The following FPGS variants were observed in gnomAD, a reference collection of about 807,000 sequenced individuals.
FPGS encodes the protein folylpolyglutamate synthase, also known as folylpolyglutamate synthase, mitochondrial.
FPGS carries 53 observed loss-of-function variants against 66.5 expected under a neutral mutation model. The ratio of observed to expected loss-of-function variants is 0.80; its 90% confidence interval spans 0.64 to 1.00. The LOEUF (loss-of-function observed/expected upper bound fraction) is 1.00. Ranked by LOEUF, FPGS falls within the 50% of genes least tolerant of loss-of-function variation. The probability of loss-of-function intolerance (pLI) is 0.00; values close to 1 mark genes in which losing one functional copy is unlikely to be tolerated. For missense variants in FPGS, 702 were observed against 807.7 expected (o/e 0.87, Z 1.59); for synonymous variants, 348 against 350.9 (o/e 0.99, Z 0.09).
At chr9:127,806,855 C>T (rs1829831203) in intron 4 of FPGS, 118 bp from the exon 5 acceptor site, 1 of 746,390 alleles carries the variant, frequency 1.3e-6, no homozygotes, top group South Asian at 1.6e-5. Context: ...GCACCAGGAA[C>T]AAACCGAGGG....
chr9:127,812,562 C>T (rs541177384), intron 14 of FPGS, among the ~76,000 whole-genome samples: 8 of 152,098 alleles, frequency 5.3e-5, no homozygotes, highest in Non-Finnish European at 1.0e-4. Context: ...AGTGCAATGG[C>T]TTGATCTCAG....
rs1180220551 is a variant in FPGS at position 127,803,340 on chromosome 9, C to T, written c.138+278C>T. The T allele has an allele frequency of 9.4e-6, 11 of 1,176,452 alleles. No individual in the cohort carries two copies. In the East Asian group the frequency reaches 3.5e-4, roughly 38 times the overall value. 72.9% of individuals were successfully genotyped at this position (1,176,452 alleles called of 1,614,324 possible). A position where few individuals can be genotyped will look rare whatever the true frequency, so the allele number is the denominator to read the frequency against. On this transcript the variant is annotated intron_variant, in intron 1 of 14. Coordinates refer to ENST00000373247, the MANE Select transcript of FPGS (RefSeq NM_004957.6). ...GCTAGGATCCAGAAGCCCAGAGGCT[C>T]AGCGGTGCTTCTGGAGTTCCAGTGA...
chr9:127,813,358 A>C lies in FPGS; in HGVS notation c.1518A>C (p.Pro506=), dbSNP rs1830169825. Residue 506 remains proline, a synonymous_variant, in exon 15 of 15, where the codon CCA becomes CCC. Transcript: ENST00000373247. The part of the protein sequence containing the change: ...GSASLLLAPH[P]PHTCSASSLV... ...CATCCCTGCTTCTGGCGCCCCACCC[A>C]CCCCACACCTGCAGTGCCAGCTCCC... The C allele has an allele frequency of 1.9e-6, 3 of 1,609,952 alleles. No homozygotes were observed. The highest frequency in any genetic ancestry group is 2.5e-6 in the Non-Finnish European group (3 of 1,177,806).
Position 127,810,515 on chromosome 9 carries a change from T to C in FPGS, c.1287+409T>C, listed in dbSNP as rs995287456. 4.6e-5 allele frequency among the ~76,000 whole-genome samples: 7 copies of C among 152,082 alleles called. No individual in the cohort carries two copies. In the East Asian group the frequency reaches 5.8e-4, roughly 13 times the overall value. ...GGTTGAAGGAGTCATTGGGCCTTTCTCTGCTTGGGGAAACTGAGGCTGCCC... is the reference window on the plus strand; with the variant it reads ...GGTTGAAGGAGTCATTGGGCCTTTCCCTGCTTGGGGAAACTGAGGCTGCCC... On this transcript the variant is annotated intron_variant, in intron 13 of 14. Coordinates refer to ENST00000373247, the MANE Select transcript of FPGS (RefSeq NM_004957.6).
rs1830003273 is a variant in FPGS, at chr9:127,810,032, G to A, written c.1213G>A (p.Gly405Ser). The A allele has an allele frequency of 1.2e-6, 2 of 1,611,360 alleles. No homozygotes were observed. Among genetic ancestry groups the A allele is most frequent in the African/African-American group, 1.3e-5 (1 of 74,884 alleles). The change falls in exon 13 of 15, where the codon GGC becomes AGC. Residue 405 changes from glycine (G) to serine (S), a missense_variant and splice_region_variant. By Grantham distance (56) the Gly-to-Ser change is moderately conservative. This residue lies in a region of FPGS where 351 missense variants were observed against 363.7 expected (regional missense o/e 0.97). Coordinates refer to ENST00000373247, the MANE Select transcript of FPGS (RefSeq NM_004957.6). ...ALQGRERPSG[G>S]PEVRVLLFNA... ...CCCAGCTCCTCACCTCTGTCGCAGT[G>A]GCCCCGAGGTTCGAGTCTTGCTCTT... is the stretch of plus-strand genomic sequence containing the variant.
At chr9:127,808,128 T>G in intron 8 of FPGS, 106 bp from the exon 9 acceptor site, 1 of 802,560 alleles carries the variant, frequency 1.2e-6, no homozygotes. Context: ...AAAAGAAACA[T>G]GAGGGATGAG....
chr9:127,808,854 C>T lies in FPGS; in HGVS notation c.1025C>T (p.Ala342Val), dbSNP rs1290630368. 3 of 1,562,204 alleles carry T rather than the reference C, an allele frequency of 1.9e-6. No homozygotes were observed. The highest frequency in any genetic ancestry group is 1.4e-5 in the African/African-American group (1 of 73,432). The change falls in exon 11 of 15, where the codon GCA becomes GTA. Residue 342 changes from alanine (A) to valine (V), a missense_variant. Transcript: ENST00000373247. ...GGGCTCCTGTGGCAGCTGCCCCTGGCACCTGTGTTCCAGCCCACATCCCAC... is the reference window on the plus strand; with the variant it reads ...GGGCTCCTGTGGCAGCTGCCCCTGGTACCTGTGTTCCAGCCCACATCCCAC... ...RPGLLWQLPL[A>V]PVFQPTSHMR...
In FPGS at chr9:127,813,581, C is replaced by T. The variant is rs752051844; in HGVS notation, c.1741C>T (p.Leu581=). ...LHLVGGVLKL[L]EPALSQ ...CCTGGTGGGTGGTGTCCTGAAGCTG[C>T]TGGAGCCCGCACTGTCCCAGTAGCC... is the stretch of plus-strand genomic sequence containing the variant. The change falls in exon 15 of 15, where the codon CTG becomes TTG. Residue 581 remains leucine, a synonymous_variant. Coordinates refer to ENST00000373247, the MANE Select transcript of FPGS (RefSeq NM_004957.6). 3.8e-6 allele frequency: 6 copies of T among 1,566,890 alleles called. 1 individual carries two copies. The Admixed American group carries it at 9.1e-5, about 24-fold the overall frequency.
chr9:127,810,184 A>G (rs962683081), intron 13 of FPGS, 78 bp downstream of exon 13: 100 of 1,194,024 alleles, frequency 8.4e-5, no homozygotes, highest in Non-Finnish European at 1.1e-4. Flanking sequence ...GGGGGTGCCA[A>G]TCCCCTCCCC....
chr9:127,812,701 G>T (rs7868117), intron 14 of FPGS, among the ~76,000 whole-genome samples: 68,955 of 151,254 alleles, frequency 0.46, 16,024 homozygotes, highest in East Asian at 0.69. Flanking sequence ...GTGTGTGTGT[G>T]TTTTTTTCAG....
chr9:127,803,102 C>A, intron 1 of FPGS, 40 bp downstream of exon 1: 14 of 1,348,282 alleles, frequency 1.0e-5, no homozygotes, highest in Non-Finnish European at 1.2e-5. Context: ...CTGGGCGCGA[C>A]GACACGTGGG....
At position 127,808,784 on chromosome 9, in the gene FPGS, C is replaced by G; in HGVS notation, c.971-16C>G. ...TAGGAGGGTCCCGGACACACTTGGT[C>G]TCACACACCCCGCAGGTGCTGGGGA... On this transcript the variant is annotated splice_polypyrimidine_tract_variant and intron_variant, in intron 10 of 14. Coordinates refer to ENST00000373247, the MANE Select transcript of FPGS (RefSeq NM_004957.6). 1.3e-6 allele frequency: 2 copies of G among 1,555,856 alleles called. No homozygotes were observed. The highest frequency in any genetic ancestry group is 2.4e-5 in the East Asian group (1 of 41,356).
At chr9:127,803,988 G>A (rs10120483) in intron 1 of FPGS, among the ~76,000 whole-genome samples, 8,462 of 152,334 alleles carry the variant, frequency 0.056, 761 homozygotes, top group African/African-American at 0.19. Context: ...AAAGGCCCAG[G>A]AGTGAAGTCG....
chr9:127,807,964 G>C lies in FPGS; in HGVS notation c.745-270G>C, dbSNP rs896707665. On this transcript the variant is annotated intron_variant, in intron 8 of 14. Coordinates refer to ENST00000373247, the MANE Select transcript of FPGS (RefSeq NM_004957.6). The surrounding 1 kb of genome is among the most constrained non-coding windows in gnomAD (Gnocchi z 5.8). ...CTACTAAAAATACAAAAATTAGCCAGGTGTGGTGGTGTACGCCTGTAGTTC... is the reference window on the plus strand; with the variant it reads ...CTACTAAAAATACAAAAATTAGCCACGTGTGGTGGTGTACGCCTGTAGTTC... 3 of 566,816 alleles carry C rather than the reference G, an allele frequency of 5.3e-6. No individual in the cohort carries two copies. Among genetic ancestry groups the C allele is most frequent in the Non-Finnish European group, 9.3e-6 (3 of 321,008 alleles). 35.1% of individuals were successfully genotyped at this position (566,816 alleles called of 1,614,324 possible).
Position 127,813,240 on chromosome 9 carries a change from G to C in FPGS, c.1400G>C (p.Cys467Ser), listed in dbSNP as rs1456586115. Reference sequence around the variant, plus strand: ...ACACTGGACCAGGTCCTGCTCCGCTGCCTGGAACACCAGCAGCACTGGAAC... The same window carrying C: ...ACACTGGACCAGGTCCTGCTCCGCTCCCTGGAACACCAGCAGCACTGGAAC... The part of the protein sequence containing the change: ...TVTLDQVLLR[C>S]LEHQQHWNHL... The change falls in exon 15 of 15, where the codon TGC becomes TCC. Residue 467 changes from cysteine to serine, a missense_variant. Around this residue, in one of 3 missense-constraint regions of FPGS, gnomAD observed 351 missense variants for 363.7 expected, o/e 0.97. Transcript: ENST00000373247. The C allele has an allele frequency of 1.2e-6, 2 of 1,609,742 alleles. No individual in the cohort carries two copies. The highest frequency in any genetic ancestry group is 1.7e-6 in the Non-Finnish European group (2 of 1,177,958).
chr9:127,806,233 C>T (rs930101413), intron 4 of FPGS, among the ~76,000 whole-genome samples: 4 of 150,772 alleles, frequency 2.7e-5, no homozygotes, highest in East Asian at 2.0e-4. Flanking sequence ...TGGCTGGGCA[C>T]GGTGGCTCAT....
Position 127,810,043 on chromosome 9 carries a change from TC to T in FPGS, c.1225del (p.Arg409GlufsTer17). On this transcript the variant is annotated frameshift_variant, in exon 13 of 15. Coordinates refer to ENST00000373247, the MANE Select transcript of FPGS (RefSeq NM_004957.6). LOFTEE classifies it high-confidence loss of function. The part of the protein sequence containing the change: ...RERPSGGPEV[R>X]VLLFNATGDR... ...ACCTCTGTCGCAGTGGCCCCGAGGT[TC>T]GAGTCTTGCTCTTCAATGCTACCGG... is the stretch of plus-strand genomic sequence containing the variant. The T allele has an allele frequency of 3.7e-6, 6 of 1,612,238 alleles. No individual in the cohort carries two copies. The highest frequency in any genetic ancestry group is 5.1e-6 in the Non-Finnish European group (6 of 1,179,494).
In FPGS at chr9:127,804,421, A is replaced by G; in HGVS notation, c.267+8A>G. On this transcript the variant is annotated splice_region_variant and intron_variant, in intron 2 of 14. Transcript: ENST00000373247. Reference sequence around the variant, plus strand: ...GCACGGAGTGGGCTGCAGGTAAGGTAGAGAGGGCCTGTGACCACCTCCCAC... The same window carrying G: ...GCACGGAGTGGGCTGCAGGTAAGGTGGAGAGGGCCTGTGACCACCTCCCAC... The G allele has an allele frequency of 6.2e-7, 1 of 1,614,166 alleles. No homozygotes were observed. The highest frequency in any genetic ancestry group is 2.2e-5 in the East Asian group (1 of 44,886).
At position 127,807,788 on chromosome 9, in the gene FPGS, C is replaced by T. The variant is rs1212119021; in HGVS notation, c.744+100C>T. On this transcript the variant is annotated intron_variant, in intron 8 of 14. Coordinates refer to ENST00000373247, the MANE Select transcript of FPGS (RefSeq NM_004957.6). The surrounding 1 kb of genome is among the most constrained non-coding windows in gnomAD (Gnocchi z 5.8). Reference sequence around the variant, plus strand: ...GTGACTGGAACAAGTTGAGTCTCCTCTCCAGACTATTTCCCCATTGAAACG... The same window carrying T: ...GTGACTGGAACAAGTTGAGTCTCCTTTCCAGACTATTTCCCCATTGAAACG... 9.5e-6 allele frequency: 7 copies of T among 734,640 alleles called. No individual in the cohort carries two copies. The highest frequency in any genetic ancestry group is 1.6e-5 in the Non-Finnish European group (7 of 448,776). 45.5% of individuals were successfully genotyped at this position (734,640 alleles called of 1,614,324 possible). A position where few individuals can be genotyped will look rare whatever the true frequency, so the allele number is the denominator to read the frequency against.
Sources: gnomAD v4.1 joint callset for allele counts (sites outside exome capture counted in the v4.1 genomes callset) on GRCh38, gnomAD v4.1.1 for gene constraint, gnomAD v4.1.1 regional missense constraint, Gnocchi (gnomAD v3.1) non-coding constraint, MANE v1.5 for transcripts, NCBI Gene and HGNC (gene_info 2026-07-23, HGNC 2026-07-21) for gene names.